The following DOCK11 variants were observed in gnomAD, a reference collection of about 807,000 sequenced individuals.
The protein encoded by DOCK11 is dedicator of cytokinesis protein 11.
In DOCK11, 70 loss-of-function variants were observed where a neutral mutation model predicts 169.1. The ratio of observed to expected loss-of-function variants is 0.41; its 90% confidence interval spans 0.34 to 0.51. The LOEUF (loss-of-function observed/expected upper bound fraction) is 0.51, where lower values mean the gene tolerates loss of function less well. DOCK11 is among the 20% of genes least tolerant of loss of function. The pLI is 0.10. For synonymous variants in DOCK11, 529 were observed against 541.3 expected, an observed-to-expected ratio of 0.98 and a Z score of 0.32; for missense variants, 1,166 against 1,538.8, an observed-to-expected ratio of 0.76 and a Z score of 4.05.
chrX:118,660,760 G>A (rs1200667907), intron 44 of DOCK11, among the ~76,000 whole-genome samples: 3 of 110,277 alleles, frequency 2.7e-5, no homozygotes, highest in African/African-American at 3.3e-5. Flanking sequence ...GTGAGCCACC[G>A]CGCCTGGCCC....
At chrX:118,519,555 T>C (rs2147320513) in intron 1 of DOCK11, among the ~76,000 whole-genome samples, 1 of 111,000 alleles carries the variant, frequency 9.0e-6, no homozygotes, top group East Asian at 2.8e-4. Flanking sequence ...GAAAAGAAAT[T>C]TTAAGGTCTG....
chrX:118,554,674 A>AGAGAAGGCTTCTTG (rs1166803712), intron 6 of DOCK11, among the ~76,000 whole-genome samples: 4 of 112,229 alleles, frequency 3.6e-5, no homozygotes, highest in Admixed American at 9.4e-5. Flanking sequence ...GCCTGGGGTC[A>AGAGAAGGCTTCTTG]GAGAAGGCTT....
intron 46 of DOCK11, among the ~76,000 whole-genome samples, chrX:118,673,807 C>T (rs1051148900): frequency 6.3e-5 from 7 of 111,347 alleles, no homozygotes; most frequent in Admixed American, 9.5e-5. Flanking sequence ...AGTAATTACT[C>T]CCCACCCCAC....
intron 1 of DOCK11, among the ~76,000 whole-genome samples, chrX:118,518,343 A>C (rs2057702348): frequency 9.0e-6 from 1 of 111,018 alleles, no homozygotes; most frequent in Admixed American, 9.7e-5. Context: ...CATGTCCTTG[A>C]GTTCATTTCT....
chrX:118,533,096 A>T (rs1404105010), intron 1 of DOCK11, among the ~76,000 whole-genome samples: 1 of 110,915 alleles, frequency 9.0e-6, no homozygotes, highest in Non-Finnish European at 1.9e-5. Flanking sequence ...GGTTTAAGCG[A>T]TTCTCCCGCT....
At chrX:118,670,545 A>T (rs1342727045) in intron 45 of DOCK11, among the ~76,000 whole-genome samples, 1 of 111,762 alleles carries the variant, frequency 8.9e-6, no homozygotes, top group Non-Finnish European at 1.9e-5. Flanking sequence ...AAAAAATTTA[A>T]AAAAACATCG....
intron 48 of DOCK11, among the ~76,000 whole-genome samples, chrX:118,679,455 A>G (rs984231562): frequency 8.9e-6 from 1 of 112,151 alleles, no homozygotes; most frequent in Non-Finnish European, 1.9e-5. Flanking sequence ...AGTATAAACT[A>G]TTGGCCAGAC....
chrX:118,584,065 C>T (rs936418177), intron 14 of DOCK11, among the ~76,000 whole-genome samples: 3 of 111,497 alleles, frequency 2.7e-5, no homozygotes, highest in African/African-American at 9.8e-5. Flanking sequence ...TGGAAATATA[C>T]TTCACCTTTG....
At chrX:118,545,426 C>CTAGTT (rs757677457) in intron 5 of DOCK11, 34 bp downstream of exon 5, 39 of 1,013,455 alleles carry the variant, frequency 3.8e-5, no homozygotes, top group Non-Finnish European at 5.0e-5. Flanking sequence ...GGTAACTGTG[C>CTAGTT]TAGTTTCCTC....
At chrX:118,542,600 T>C in intron 1 of DOCK11, 125 bp from the exon 2 acceptor site, 2 of 521,239 alleles carry the variant, frequency 3.8e-6, no homozygotes, top group East Asian at 6.6e-5. Context: ...TGAAACTGTC[T>C]CAATTAAGTA....
rs759126523 is a variant in DOCK11, at chrX:118,543,580, C to A, written c.379C>A (p.Arg127=). 1 of 1,202,742 alleles carries A rather than the reference C, an allele frequency of 8.3e-7. No individual in the cohort carries two copies. Among genetic ancestry groups the A allele is most frequent in the African/African-American group, 1.7e-5 (1 of 57,679 alleles). ...YKYEDFSGDF[R]MLPCKSLRPE... is the part of the protein sequence containing the mutation. ...GTATGAGGACTTCTCTGGGGACTTTCGAATGTTGCCATGGTAAGTTTAGCA... is the reference window on the plus strand; with the variant it reads ...GTATGAGGACTTCTCTGGGGACTTTAGAATGTTGCCATGGTAAGTTTAGCA... Residue 127 remains arginine (R), a synonymous_variant, in exon 4 of 53, where the codon CGA becomes AGA. Transcript: ENST00000276202.
intron 6 of DOCK11, among the ~76,000 whole-genome samples, chrX:118,557,178 G>T (rs758167971): frequency 2.7e-5 from 3 of 111,619 alleles, no homozygotes; most frequent in Non-Finnish European, 5.6e-5. Flanking sequence ...AACTTCATGG[G>T]CTAGAAAGAG....
chrX:118,616,393 G>A, intron 30 of DOCK11, among the ~76,000 whole-genome samples: 1 of 111,893 alleles, frequency 8.9e-6, no homozygotes, highest in Non-Finnish European at 1.9e-5. Context: ...AATCTAGGAG[G>A]CAGTGTGTTT....
chrX:118,599,306 A>C, intron 23 of DOCK11, 78 bp downstream of exon 23: 1 of 741,530 alleles, frequency 1.3e-6, no homozygotes, highest in Non-Finnish European at 2.0e-6. Context: ...GAAAAAAAAA[A>C]GCAAACAGAC....
chrX:118,620,104 C>T (rs1271995780), intron 31 of DOCK11, among the ~76,000 whole-genome samples: 1 of 111,240 alleles, frequency 9.0e-6, no homozygotes, highest in Non-Finnish European at 1.9e-5. Context: ...GCGTGAGCCA[C>T]CATGCCCGGC....
intron 1 of DOCK11, among the ~76,000 whole-genome samples, chrX:118,512,351 AC>A (rs1457843865): frequency 1.8e-5 from 2 of 112,083 alleles, no homozygotes; most frequent in Non-Finnish European, 3.8e-5. Context: ...AGACCAAGAG[AC>A]CAGAGATTAA....
chrX:118,519,491 A>G lies in DOCK11; in HGVS notation c.103-23234A>G, dbSNP rs1250954320. On this transcript the variant is annotated intron_variant, in intron 1 of 52. Coordinates refer to ENST00000276202, the MANE Select transcript of DOCK11 (RefSeq NM_144658.4). ...CTTGAACCTGGGAGGTGGAGGTTGCAGTGAACCACTGCACTCCAGCCTGTG... is the reference window on the plus strand; with the variant it reads ...CTTGAACCTGGGAGGTGGAGGTTGCGGTGAACCACTGCACTCCAGCCTGTG... 7.1e-5 allele frequency among the ~76,000 whole-genome samples: 8 copies of G among 112,164 alleles called. No individual in the cohort carries two copies. In the Admixed American group the frequency reaches 7.6e-4, roughly 11 times the overall value.
rs1304984797 is a variant in DOCK11, at chrX:118,632,920, A to C, written c.3886+2430A>C. ...ATTGACAAGAAGACTGTTCTGTTGGAAAAGTAAAACATTGTTGCTTCCTTA... is the reference window on the plus strand; with the variant it reads ...ATTGACAAGAAGACTGTTCTGTTGGCAAAGTAAAACATTGTTGCTTCCTTA... On this transcript the variant is annotated intron_variant, in intron 35 of 52. Transcript: ENST00000276202. 3.2e-5 allele frequency: 3 copies of C among 94,216 alleles called. No homozygotes were observed. In the Admixed American group the frequency reaches 3.7e-4, roughly 12 times the overall value. The allele number at this position is 94,216 out of a possible 1,213,427, so 7.8% of individuals were successfully genotyped here.
rs62609953 is a variant in DOCK11, at chrX:118,605,458, G to C, written c.2681+102G>C. On this transcript the variant is annotated intron_variant, in intron 24 of 52. Transcript: ENST00000276202. ...TATAAACTTCCCTCTTAGAACTGCT[G>C]TTGCATTCCATAGGTTTTGGTATGT... is the stretch of plus-strand genomic sequence containing the variant. 6.9e-3 allele frequency: 3,614 copies of C among 523,528 alleles called. 15 individuals are homozygous for C. The highest frequency in any genetic ancestry group is 9.1e-3 in the Non-Finnish European group (2,903 of 318,714). 43.1% of individuals were successfully genotyped at this position (523,528 alleles called of 1,213,427 possible). A position where few individuals can be genotyped will look rare whatever the true frequency, so the allele number is the denominator to read the frequency against.
Sources: allele counts gnomAD v4.1 joint callset (sites outside exome capture counted in the v4.1 genomes callset), GRCh38; gene constraint gnomAD v4.1.1; transcripts MANE v1.5; gene names NCBI Gene and HGNC (gene_info 2026-07-23, HGNC 2026-07-21).